The following DPY19L4 variants were observed in gnomAD, a reference collection of about 807,000 sequenced individuals.
The protein encoded by DPY19L4 is dpy-19 like 4, also known as probable C-mannosyltransferase DPY19L4.
A neutral mutation model predicts 102.8 loss-of-function variants in DPY19L4; 97 were observed. That is an observed-to-expected ratio of 0.94 (90% CI 0.80 to 1.12). The LOEUF (loss-of-function observed/expected upper bound fraction) is 1.12. Ranked by LOEUF, DPY19L4 falls within the 50% of genes most tolerant of loss-of-function variation. The probability of loss-of-function intolerance (pLI) is 0.00; values close to 1 mark genes in which losing one functional copy is unlikely to be tolerated. For missense variants in DPY19L4, 815 were observed against 850.4 expected (o/e 0.96, Z 0.52); for synonymous variants, 252 against 283.1 (o/e 0.89, Z 1.10).
At chr8:94,787,226 C>T (rs895486300) in intron 17 of DPY19L4, among the ~76,000 whole-genome samples, 1 of 151,840 alleles carries the variant, frequency 6.6e-6, no homozygotes, top group Non-Finnish European at 1.5e-5. Context: ...AGTTTCTTAA[C>T]ACTTAAAAAT....
At chr8:94,749,466 C>A (rs1335214352) in intron 6 of DPY19L4, among the ~76,000 whole-genome samples, 1 of 152,154 alleles carries the variant, frequency 6.6e-6, no homozygotes, top group African/African-American at 2.4e-5. Flanking sequence ...ACATTTATAA[C>A]CTTTACATCC....
rs758619164 is a variant in DPY19L4, at chr8:94,792,296, A to T, written c.*2386A>T. 13 of 152,124 alleles carry T rather than the reference A, an allele frequency of 8.5e-5. No homozygotes were observed. Among genetic ancestry groups the T allele is most frequent in the Middle Eastern group, 3.3e-3 (1 of 300 alleles). The allele number at this position is 152,124 out of a possible 1,614,324, so 9.4% of individuals were successfully genotyped here. A position where few individuals can be genotyped will look rare whatever the true frequency, so the allele number is the denominator to read the frequency against. The stretch of plus-strand genomic sequence containing the variant: ...TCCCAGGCTGGAGTGCAATGGCGCG[A>T]TCTTGGCTCACTGCAACCTCCGCTC... On this transcript the variant is annotated 3_prime_UTR_variant, in exon 19 of 19. Transcript: ENST00000414645.
rs142356985 is a variant in DPY19L4, at chr8:94,767,539, G to A, written c.1175+854G>A. Among the ~76,000 whole-genome samples, 448 of 152,142 alleles carry A rather than the reference G, an allele frequency of 2.9e-3. 3 individuals carry two copies. In the East Asian group the frequency reaches 0.033, roughly 11 times the overall value. On this transcript the variant is annotated intron_variant, in intron 11 of 18. Transcript: ENST00000414645. The stretch of plus-strand genomic sequence containing the variant: ...CGATCTCCTGACTCGTGATCTGCCC[G>A]CCTCGGCCTCCCAAAGTGCTGGGAT...
At chr8:94,776,737 G>A (rs1300171362) in intron 13 of DPY19L4, among the ~76,000 whole-genome samples, 1 of 151,860 alleles carries the variant, frequency 6.6e-6, no homozygotes, top group Non-Finnish European at 1.5e-5. Flanking sequence ...GGCCAAGGCG[G>A]GTGGATCACT....
At chr8:94,753,302 A>C (rs1399385423) in intron 6 of DPY19L4, among the ~76,000 whole-genome samples, 1 of 152,192 alleles carries the variant, frequency 6.6e-6, no homozygotes, top group African/African-American at 2.4e-5. Flanking sequence ...GCAGAATGTA[A>C]ATTAATTGAA....
chr8:94,780,304 TA>T, intron 14 of DPY19L4, 54 bp from the exon 15 acceptor site: 1 of 1,311,160 alleles, frequency 7.6e-7, no homozygotes, highest in South Asian at 2.1e-5. Flanking sequence ...CTATTACCTC[TA>T]ACGTGTGTTC....
intron 6 of DPY19L4, among the ~76,000 whole-genome samples, chr8:94,747,851 C>T (rs988704887): frequency 3.3e-5 from 5 of 152,052 alleles, no homozygotes; most frequent in East Asian, 1.9e-4. Context: ...TGAGCCACCG[C>T]GCTGGGCCTA....
At chr8:94,722,107 T>TA (rs1013239364) in intron 1 of DPY19L4, among the ~76,000 whole-genome samples, 15 of 146,832 alleles carry the variant, frequency 1.0e-4, no homozygotes, top group Non-Finnish European at 2.3e-4. Context: ...AGACTCCATC[T>TA]AAAAAAAAAT....
At position 94,734,965 on chromosome 8, in the gene DPY19L4, ATTAAC is replaced by A. The variant is rs1391351572; in HGVS notation, c.252+215_252+219del. 3.3e-5 allele frequency among the ~76,000 whole-genome samples: 5 copies of A among 152,344 alleles called. No individual in the cohort carries two copies. In the East Asian group the frequency reaches 5.8e-4, roughly 18 times the overall value. On this transcript the variant is annotated intron_variant, in intron 3 of 18. Coordinates refer to ENST00000414645, the MANE Select transcript of DPY19L4 (RefSeq NM_181787.3). Reference sequence around the variant, plus strand: ...CTATGAGGGTGCTCCCCTTTCTGCAATTAACTTATCAGGGACTTTTGATGACAGTG... The same window carrying A: ...CTATGAGGGTGCTCCCCTTTCTGCAATTATCAGGGACTTTTGATGACAGTG...
Position 94,754,139 on chromosome 8 carries a change from G to A in DPY19L4, c.612-1897G>A, listed in dbSNP as rs114715395. Among the ~76,000 whole-genome samples the A allele has an allele frequency of 9.1e-3, 1,384 of 152,284 alleles. 17 individuals are homozygous for A. The highest frequency in any genetic ancestry group is 0.031 in the African/African-American group (1,308 of 41,566). ...GTCGAGGCTGCAGTGAGCCGTGATCGTGTCACTGTACTCCAGCAATTGGGG... is the reference window on the plus strand; with the variant it reads ...GTCGAGGCTGCAGTGAGCCGTGATCATGTCACTGTACTCCAGCAATTGGGG... On this transcript the variant is annotated intron_variant, in intron 6 of 18. Coordinates refer to ENST00000414645, the MANE Select transcript of DPY19L4 (RefSeq NM_181787.3).
intron 3 of DPY19L4, among the ~76,000 whole-genome samples, chr8:94,738,162 CA>C: frequency 1.3e-5 from 2 of 150,744 alleles, no homozygotes; most frequent in Middle Eastern, 6.8e-3. Flanking sequence ...ACTAAAAATA[CA>C]AAAAAATAGC....
chr8:94,739,833 C>T (rs1353993064), intron 6 of DPY19L4, 43 bp downstream of exon 6: 2 of 1,601,564 alleles, frequency 1.2e-6, no homozygotes, highest in African/African-American at 2.7e-5. Flanking sequence ...CTTTTTGTGG[C>T]TGTAGTAGTC....
rs1470261557 is a variant in DPY19L4, at chr8:94,719,989, C to T, written c.-10C>T. The T allele has an allele frequency of 1.3e-6, 2 of 1,526,802 alleles. No individual in the cohort carries two copies. Among genetic ancestry groups the T allele is most frequent in the African/African-American group, 1.4e-5 (1 of 70,186 alleles). 94.6% of individuals were successfully genotyped at this position (1,526,802 alleles called of 1,614,324 possible). A position where few individuals can be genotyped will look rare whatever the true frequency, so the allele number is the denominator to read the frequency against. ...GGGAGCCGCAGGGCGCCCTAGCCTT[C>T]GCAGAAACGATGGCGGAGGAAGAAG... On this transcript the variant is annotated 5_prime_UTR_variant, in exon 1 of 19. Coordinates refer to ENST00000414645, the MANE Select transcript of DPY19L4 (RefSeq NM_181787.3).
intron 18 of DPY19L4, among the ~76,000 whole-genome samples, chr8:94,788,677 T>A (rs950549046): frequency 6.6e-6 from 1 of 152,190 alleles, no homozygotes; most frequent in Admixed American, 6.5e-5. Context: ...CCAGCCCCCA[T>A]GGCCTTCCAA....
At chr8:94,787,343 T>C (rs911359379) in intron 17 of DPY19L4, among the ~76,000 whole-genome samples, 4 of 152,072 alleles carry the variant, frequency 2.6e-5, no homozygotes, top group Admixed American at 2.0e-4. Context: ...TTCCTCTTGA[T>C]GTATTGGCAT....
At chr8:94,728,866 G>T (rs1810807372) in intron 2 of DPY19L4, among the ~76,000 whole-genome samples, 1 of 152,142 alleles carries the variant, frequency 6.6e-6, no homozygotes, top group African/African-American at 2.4e-5. Flanking sequence ...CCAAAATTCT[G>T]GGACTTGTAA....
chr8:94,768,671 C>G, intron 12 of DPY19L4, 118 bp downstream of exon 12: 1 of 692,596 alleles, frequency 1.4e-6, no homozygotes, highest in Non-Finnish European at 2.1e-6. Context: ...TATTTCCATT[C>G]TCTTTTCATT....
In DPY19L4 at chr8:94,793,613, C is replaced by A. The variant is rs574137177; in HGVS notation, c.*3703C>A. On this transcript the variant is annotated 3_prime_UTR_variant, in exon 19 of 19. Transcript: ENST00000414645. ...TTGCTGTTTACTAATAGTTTTAGATCCCAATGTGTATTAGAATTATAGCTA... is the reference window on the plus strand; with the variant it reads ...TTGCTGTTTACTAATAGTTTTAGATACCAATGTGTATTAGAATTATAGCTA... 6.6e-6 allele frequency: 1 copy of A among 152,164 alleles called. No individual in the cohort carries two copies. Among genetic ancestry groups the A allele is most frequent in the East Asian group, 1.9e-4 (1 of 5,180 alleles). 9.4% of individuals were successfully genotyped at this position (152,164 alleles called of 1,614,324 possible). A position where few individuals can be genotyped will look rare whatever the true frequency, so the allele number is the denominator to read the frequency against.
Position 94,746,879 on chromosome 8 carries a change from CTTTCTTTCTTTCTT to C in DPY19L4, c.611+7104_611+7117del, listed in dbSNP as rs1473709501. On this transcript the variant is annotated intron_variant, in intron 6 of 18. Coordinates refer to ENST00000414645, the MANE Select transcript of DPY19L4 (RefSeq NM_181787.3). ...ACAGGTTCATTCGTTTCTTTTCTTGCTTTCTTTCTTTCTTTTTCTTTCTTTCTTGGAGACAAGGT... is the reference window on the plus strand; with the variant it reads ...ACAGGTTCATTCGTTTCTTTTCTTGCTTTCTTTCTTTCTTGGAGACAAGGT... Among the ~76,000 whole-genome samples, 5 of 141,702 alleles carry C rather than the reference CTTTCTTTCTTTCTT, an allele frequency of 3.5e-5. No individual in the cohort carries two copies. The South Asian group carries it at 1.1e-3, about 30-fold the overall frequency. The allele number at this position is 141,702 out of a possible 152,430, so 93.0% of individuals were successfully genotyped here. A position where few individuals can be genotyped will look rare whatever the true frequency, so the allele number is the denominator to read the frequency against.
Sources: allele counts gnomAD v4.1 joint callset (sites outside exome capture counted in the v4.1 genomes callset), GRCh38; gene constraint gnomAD v4.1.1; transcripts MANE v1.5; gene names NCBI Gene and HGNC (gene_info 2026-07-23, HGNC 2026-07-21).